EPHA3: variants seen among roughly 807,000 people sequenced by gnomAD.
EPHA3 encodes the protein EPH receptor A3.
EPHA3 carries 42 observed loss-of-function variants against 107.1 expected under a neutral mutation model. The observed-to-expected ratio is 0.39, with a 90% CI of 0.31 to 0.51. EPHA3 has a LOEUF of 0.51. EPHA3 is among the 20% of genes least tolerant of loss of function. The pLI, the probability that EPHA3 is intolerant of heterozygous loss-of-function variation, is 0.78. For synonymous variants in EPHA3, 461 were observed against 424.8 expected (o/e 1.09, Z -1.05); for missense variants, 1,183 against 1,211.2 (o/e 0.98, Z 0.35).
At chr3:89,310,404 C>A (rs374706287) in intron 3 of EPHA3, among the ~76,000 whole-genome samples, 2 of 151,762 alleles carry the variant, frequency 1.3e-5, no homozygotes, top group Non-Finnish European at 2.9e-5. Context: ...AGTATTGATA[C>A]GAATTTTTGG....
rs544450947 is a variant in EPHA3 at position 89,151,769 on chromosome 3, C to A, written c.153+24496C>A. Among the ~76,000 whole-genome samples, 7 of 152,126 alleles carry A rather than the reference C, an allele frequency of 4.6e-5. No homozygotes were observed. The South Asian group carries it at 1.5e-3, about 32-fold the overall frequency. ...AAACGCACAAATTCTCCATTCTCTA[C>A]ATGAGCATAATAGAAATAATAGAAA... On this transcript the variant is annotated intron_variant, in intron 2 of 16. Transcript: ENST00000336596.
intron 5 of EPHA3, among the ~76,000 whole-genome samples, chr3:89,365,433 A>G (rs62275016): frequency 0.24 from 36,340 of 150,280 alleles, 5,563 homozygotes; most frequent in Non-Finnish European, 0.28. Context: ...TCATAGATAC[A>G]AAACATAATG....
At chr3:89,276,476 A>T (rs886187871) in intron 3 of EPHA3, among the ~76,000 whole-genome samples, 4 of 152,126 alleles carry the variant, frequency 2.6e-5, no homozygotes, top group African/African-American at 9.7e-5. Flanking sequence ...ATGTCTCCAC[A>T]GTGCTCCTAA....
At chr3:89,356,112 C>A (rs1222672470) in intron 5 of EPHA3, among the ~76,000 whole-genome samples, 1 of 149,616 alleles carries the variant, frequency 6.7e-6, no homozygotes, top group Non-Finnish European at 1.5e-5. Context: ...CGATAGTTTA[C>A]TGAGAATGAT....
At chr3:89,319,646 C>G (rs1226705538) in intron 3 of EPHA3, among the ~76,000 whole-genome samples, 2 of 151,816 alleles carry the variant, frequency 1.3e-5, no homozygotes, top group East Asian at 3.9e-4. Context: ...GAGGAAGGGC[C>G]CTCTCTTATG....
At chr3:89,400,084 A>G in intron 7 of EPHA3, 2 of 1,020,526 alleles carry the variant, frequency 2.0e-6, no homozygotes, top group Non-Finnish European at 2.4e-6. Flanking sequence ...TACTTAAAAA[A>G]GCCCTTTGCT....
intron 2 of EPHA3, among the ~76,000 whole-genome samples, chr3:89,203,048 C>G (rs1302742529): frequency 6.6e-6 from 1 of 152,056 alleles, no homozygotes; most frequent in Non-Finnish European, 1.5e-5. Flanking sequence ...TGAGACCATG[C>G]TACAGAGACA....
chr3:89,438,297 G>A (rs1450709942), intron 13 of EPHA3, among the ~76,000 whole-genome samples: 1 of 151,866 alleles, frequency 6.6e-6, no homozygotes, highest in Non-Finnish European at 1.5e-5. Context: ...ATTTTTAGTA[G>A]AGACGGGGTT....
At chr3:89,326,221 T>C (rs185127126) in intron 3 of EPHA3, among the ~76,000 whole-genome samples, 73 of 152,158 alleles carry the variant, frequency 4.8e-4, no homozygotes, top group Non-Finnish European at 7.9e-4. Flanking sequence ...TCAAGTCCCT[T>C]GTATATAATA....
chr3:89,147,081 A>G (rs1166731577), intron 2 of EPHA3, among the ~76,000 whole-genome samples: 4 of 151,948 alleles, frequency 2.6e-5, no homozygotes, highest in African/African-American at 7.2e-5. Context: ...AAACTAACAC[A>G]GGAACAAAAA....
intron 16 of EPHA3, among the ~76,000 whole-genome samples, chr3:89,473,170 A>C (rs1453735412): frequency 6.6e-6 from 1 of 152,310 alleles, no homozygotes; most frequent in South Asian, 2.1e-4. Context: ...ATGAAGTTAT[A>C]ATTAGGTTTA....
intron 2 of EPHA3, among the ~76,000 whole-genome samples, chr3:89,182,685 T>C (rs1208225272): frequency 1.3e-5 from 2 of 151,972 alleles, no homozygotes; most frequent in East Asian, 1.9e-4. Flanking sequence ...ATGTGTGTAC[T>C]TCTTTTGCTT....
chr3:89,389,698 G>C (rs563021362), intron 5 of EPHA3, among the ~76,000 whole-genome samples: 2 of 152,252 alleles, frequency 1.3e-5, no homozygotes, highest in Non-Finnish European at 2.9e-5. Flanking sequence ...TTAAAACAAA[G>C]AATCCCTTCC....
At chr3:89,137,226 A>G (rs1241984720) in intron 2 of EPHA3, among the ~76,000 whole-genome samples, 1 of 151,922 alleles carries the variant, frequency 6.6e-6, no homozygotes, top group Non-Finnish European at 1.5e-5. Flanking sequence ...CAAGCTTCCA[A>G]ATGTTCTTTT....
At chr3:89,351,403 C>G (rs2107442381) in intron 5 of EPHA3, among the ~76,000 whole-genome samples, 1 of 150,956 alleles carries the variant, frequency 6.6e-6, no homozygotes, top group African/African-American at 2.4e-5. Flanking sequence ...TCACCCCTTT[C>G]TTTGACTCGG....
chr3:89,116,183 A>G (rs1305799334), intron 1 of EPHA3, among the ~76,000 whole-genome samples: 1 of 152,138 alleles, frequency 6.6e-6, no homozygotes, highest in Admixed American at 6.5e-5. Flanking sequence ...CTGACACTCA[A>G]ACACTCCTTT....
chr3:89,430,642 G>T (rs1709547474), intron 12 of EPHA3, among the ~76,000 whole-genome samples: 2 of 151,854 alleles, frequency 1.3e-5, no homozygotes, highest in Admixed American at 1.3e-4. Context: ...TTCAGAAGTG[G>T]GTAGAAAAAC....
chr3:89,422,229 ACACAG>A (rs1169920536), intron 11 of EPHA3, among the ~76,000 whole-genome samples: 18 of 149,752 alleles, frequency 1.2e-4, no homozygotes, highest in Admixed American at 9.4e-4. Flanking sequence ...ACACACACAC[ACACAG>A]AGCGATTGTG....
intron 2 of EPHA3, among the ~76,000 whole-genome samples, chr3:89,161,045 C>T (rs1185784384): frequency 6.6e-6 from 1 of 152,074 alleles, no homozygotes; most frequent in Non-Finnish European, 1.5e-5. Flanking sequence ...AAGGATGTTA[C>T]CATCTGAGTG....
Sources: gnomAD v4.1 joint callset for allele counts (sites outside exome capture counted in the v4.1 genomes callset) on GRCh38, gnomAD v4.1.1 for gene constraint, MANE v1.5 for transcripts, NCBI Gene and HGNC (gene_info 2026-07-23, HGNC 2026-07-21) for gene names.